The following DLGAP2 variants were observed in gnomAD, a reference collection of about 807,000 sequenced individuals.
DLGAP2 encodes disks large-associated protein 2.
In DLGAP2, 26 loss-of-function variants were observed where a neutral mutation model predicts 100.3. That is an observed-to-expected ratio of 0.26 (90% CI 0.19 to 0.36). The LOEUF (loss-of-function observed/expected upper bound fraction) is 0.36. DLGAP2 is among the 10% of genes least tolerant of loss of function. The pLI is 1.00. For synonymous variants in DLGAP2, 886 were observed against 630.1 expected, an observed-to-expected ratio of 1.41 and a Z score of -6.08; for missense variants, 1,858 against 1,453.2, an observed-to-expected ratio of 1.28 and a Z score of -4.53.
At chr8:1,133,060 G>T (rs963925711) in intron 2 of DLGAP2, among the ~76,000 whole-genome samples, 1 of 152,202 alleles carries the variant, frequency 6.6e-6, no homozygotes, top group Non-Finnish European at 1.5e-5. Flanking sequence ...CGGGGTCAGA[G>T]CCTGTGAAGG....
At chr8:1,144,809 C>T in intron 2 of DLGAP2, among the ~76,000 whole-genome samples, 1 of 151,696 alleles carries the variant, frequency 6.6e-6, no homozygotes, top group East Asian at 1.9e-4. Flanking sequence ...GGCCTGTATG[C>T]ACAACCAAAC....
intron 3 of DLGAP2, among the ~76,000 whole-genome samples, chr8:1,275,848 T>TATATATAATATATAAATAA (rs1799675027): frequency 3.4e-5 from 3 of 88,868 alleles, no homozygotes; most frequent in Middle Eastern, 6.3e-3. Context: ...AATATATAAA[T>TATATATAATATATAAATAA]ATATATAATA....
At chr8:1,053,792 A>C (rs1450893623) in intron 2 of DLGAP2, among the ~76,000 whole-genome samples, 2 of 152,038 alleles carry the variant, frequency 1.3e-5, no homozygotes, top group African/African-American at 4.8e-5. Context: ...TAAGAACCAA[A>C]ACTTTAATAT....
chr8:1,668,702 A>C (rs1798611697), intron 9 of DLGAP2, 24 bp downstream of exon 9: 1 of 1,496,390 alleles, frequency 6.7e-7, no homozygotes, highest in Admixed American at 2.2e-5. Context: ...GCCGCCCGTC[A>C]GGGCCTCGCT....
chr8:1,168,725 GTTGT>G (rs1797068385), intron 2 of DLGAP2, among the ~76,000 whole-genome samples: 1 of 143,736 alleles, frequency 7.0e-6, no homozygotes. Flanking sequence ...TTTTGATGGG[GTTGT>G]TTGTTTTTTT....
At chr8:1,194,098 C>G (rs1048061051) in intron 2 of DLGAP2, among the ~76,000 whole-genome samples, 4 of 152,040 alleles carry the variant, frequency 2.6e-5, no homozygotes, top group African/African-American at 9.7e-5. Context: ...ATACCAAGTC[C>G]AGTTTTGACG....
intron 1 of DLGAP2, among the ~76,000 whole-genome samples, chr8:756,541 T>C (rs1222634590): frequency 1.3e-5 from 2 of 152,206 alleles, no homozygotes; most frequent in African/African-American, 4.8e-5. Flanking sequence ...ATTTACTTTT[T>C]TTTCATCTCC....
chr8:872,732 G>T (rs1207671853), intron 1 of DLGAP2, among the ~76,000 whole-genome samples: 1 of 152,174 alleles, frequency 6.6e-6, no homozygotes, highest in Non-Finnish European at 1.5e-5. Context: ...TATATTCAAA[G>T]AGGTACATGC....
At chr8:1,418,543 C>A (rs115459729) in intron 3 of DLGAP2, among the ~76,000 whole-genome samples, 1,559 of 152,244 alleles carry the variant, frequency 0.01, 25 homozygotes, top group African/African-American at 0.034. Flanking sequence ...GGAAGCTTCA[C>A]CTGGCTGCCA....
chr8:1,444,294 T>G (rs928967138), intron 3 of DLGAP2, among the ~76,000 whole-genome samples: 3 of 152,204 alleles, frequency 2.0e-5, no homozygotes, highest in African/African-American at 7.2e-5. Context: ...ATAATTTGCT[T>G]AACCAACTCC....
At chr8:1,083,337 C>T (rs573192734) in intron 2 of DLGAP2, among the ~76,000 whole-genome samples, 17 of 152,284 alleles carry the variant, frequency 1.1e-4, no homozygotes, top group Non-Finnish European at 2.5e-4. Context: ...GAAGGCAGAG[C>T]CCCAGCCTTT....
chr8:1,092,396 C>T (rs73180699), intron 2 of DLGAP2, among the ~76,000 whole-genome samples: 23,940 of 152,238 alleles, frequency 0.16, 1,935 homozygotes, highest in Admixed American at 0.21. Flanking sequence ...TAGCCTTTGC[C>T]GTCAGCGATC....
At chr8:1,085,546 A>G (rs560996974) in intron 2 of DLGAP2, among the ~76,000 whole-genome samples, 1 of 152,150 alleles carries the variant, frequency 6.6e-6, no homozygotes, top group African/African-American at 2.4e-5. Flanking sequence ...TCCCGTGTGT[A>G]TTCTCAGCGC....
chr8:1,254,315 A>C (rs911541972), intron 2 of DLGAP2, among the ~76,000 whole-genome samples: 6 of 152,154 alleles, frequency 3.9e-5, no homozygotes, highest in African/African-American at 1.4e-4. Context: ...TGATGGGTCC[A>C]TCAAGGCCTC....
chr8:946,552 C>G (rs184678847), intron 2 of DLGAP2, among the ~76,000 whole-genome samples: 2 of 152,164 alleles, frequency 1.3e-5, no homozygotes, highest in East Asian at 3.9e-4. Context: ...CGTGAGCCAC[C>G]GCGCCCGGCC....
chr8:1,550,326 G>C (rs562274565), intron 5 of DLGAP2, among the ~76,000 whole-genome samples: 9 of 152,316 alleles, frequency 5.9e-5, no homozygotes, highest in African/African-American at 2.2e-4. Flanking sequence ...ATGGCGGGAC[G>C]TTATCTACGG....
chr8:1,195,002 C>A (rs780554166), intron 2 of DLGAP2, among the ~76,000 whole-genome samples: 10 of 152,240 alleles, frequency 6.6e-5, no homozygotes, highest in African/African-American at 2.4e-4. Context: ...CTTCATTCCT[C>A]GTGCCCTGCT....
intron 3 of DLGAP2, among the ~76,000 whole-genome samples, chr8:1,327,566 C>T (rs1801050147): frequency 1.3e-5 from 2 of 152,296 alleles, no homozygotes; most frequent in East Asian, 1.9e-4. Context: ...CATGGTGAGC[C>T]AGGCATGGTG....
intron 2 of DLGAP2, among the ~76,000 whole-genome samples, chr8:979,490 C>G (rs1270325557): frequency 6.6e-6 from 1 of 152,202 alleles, no homozygotes; most frequent in Non-Finnish European, 1.5e-5. Context: ...ACTGGAGAGA[C>G]AGGAGACATG....
Sources: allele counts gnomAD v4.1 joint callset (sites outside exome capture counted in the v4.1 genomes callset), GRCh38; gene constraint gnomAD v4.1.1; transcripts MANE v1.5; gene names NCBI Gene and HGNC (gene_info 2026-07-23, HGNC 2026-07-21).